The following PLXNC1 variants were observed in gnomAD, a reference collection of about 807,000 sequenced individuals.
The protein encoded by PLXNC1 is plexin C1.
In PLXNC1, 75 loss-of-function variants were observed where a neutral mutation model predicts 178.2. The ratio of observed to expected loss-of-function variants is 0.42; its 90% CI spans 0.35 to 0.51. PLXNC1 has a LOEUF of 0.51. PLXNC1 is among the 20% of genes least tolerant of loss of function. The pLI, the probability that PLXNC1 is intolerant of heterozygous loss-of-function variation, is 0.02. For missense variants in PLXNC1, 1,503 were observed against 1,984.4 expected (o/e 0.76, Z 4.61); for synonymous variants, 790 against 779.9 (o/e 1.01, Z -0.22).
intron 27 of PLXNC1, among the ~76,000 whole-genome samples, chr12:94,299,378 A>C (rs978416507): frequency 6.6e-6 from 1 of 152,324 alleles, no homozygotes; most frequent in African/African-American, 2.4e-5. Context: ...GGGCTGGATA[A>C]GACTCAGAGT....
chr12:94,295,036 T>C (rs971892585), intron 24 of PLXNC1, among the ~76,000 whole-genome samples: 3 of 152,182 alleles, frequency 2.0e-5, no homozygotes, highest in African/African-American at 7.2e-5. Context: ...GGAAAGTCAA[T>C]AGGCTGGTCT....
At chr12:94,290,359 T>C (rs1967182892) in intron 23 of PLXNC1, among the ~76,000 whole-genome samples, 1 of 152,054 alleles carries the variant, frequency 6.6e-6, no homozygotes, top group East Asian at 1.9e-4. Context: ...TGGAGGAGAA[T>C]TGAAAAATCA....
At chr12:94,216,920 T>A (rs1963661310) in intron 5 of PLXNC1, among the ~76,000 whole-genome samples, 1 of 152,172 alleles carries the variant, frequency 6.6e-6, no homozygotes, top group African/African-American at 2.4e-5. Flanking sequence ...ATCAGCCTGG[T>A]AAGGAGTCCT....
intron 24 of PLXNC1, among the ~76,000 whole-genome samples, chr12:94,296,132 T>C (rs909555637): frequency 3.3e-5 from 5 of 152,296 alleles, no homozygotes; most frequent in Admixed American, 1.3e-4. Context: ...CTACTCCCCA[T>C]TTTCCATTAG....
intron 12 of PLXNC1, 26 bp downstream of exon 12, chr12:94,244,051 A>AG: frequency 7.5e-7 from 1 of 1,341,248 alleles, no homozygotes; most frequent in Non-Finnish European, 1.1e-6. Context: ...CTTTGTAATA[A>AG]TAGTTGTTTT....
At chr12:94,163,084 G>A (rs936586966) in intron 1 of PLXNC1, among the ~76,000 whole-genome samples, 4 of 152,082 alleles carry the variant, frequency 2.6e-5, no homozygotes, top group African/African-American at 9.7e-5. Context: ...GAGAACCTAG[G>A]GCCAGGTGCG....
chr12:94,260,368 T>C lies in PLXNC1; in HGVS notation c.3252-274T>C, dbSNP rs536552845. On this transcript the variant is annotated intron_variant, in intron 19 of 30. Coordinates refer to ENST00000258526, the MANE Select transcript of PLXNC1 (RefSeq NM_005761.3). The surrounding 1 kb of genome is among the most constrained non-coding windows in gnomAD (Gnocchi z 4.4). The stretch of plus-strand genomic sequence containing the variant: ...CCACCATGCCCGGCCCATAAATTCT[T>C]AATAAAAAAAGCAGAAGTGTTAATT... Among the ~76,000 whole-genome samples the C allele has an allele frequency of 3.3e-5, 5 of 152,174 alleles. No homozygotes were observed. The highest frequency in any genetic ancestry group is 7.4e-5 in the Non-Finnish European group (5 of 67,988).
intron 15 of PLXNC1, chr12:94,254,539 G>A: frequency 3.1e-6 from 2 of 640,730 alleles, no homozygotes; most frequent in Non-Finnish European, 5.8e-6. Context: ...CTTGTAAAAT[G>A]AGTAAGGTTT....
chr12:94,245,294 C>G (rs1472196524), intron 12 of PLXNC1, among the ~76,000 whole-genome samples: 1 of 152,216 alleles, frequency 6.6e-6, no homozygotes, highest in African/African-American at 2.4e-5. Context: ...TGAGCACCTA[C>G]TGCAGGCAAA....
chr12:94,270,259 C>T lies in PLXNC1; in HGVS notation c.3597+5034C>T, dbSNP rs1357607101. 2.0e-5 allele frequency among the ~76,000 whole-genome samples: 3 copies of T among 152,214 alleles called. No individual in the cohort carries two copies. The East Asian group carries it at 5.8e-4, about 29-fold the overall frequency. Reference sequence around the variant, plus strand: ...ACAGCCTGTGGGCCAAATGTGGCCCCTCTGCCTATTTTTATAAAGTTCTAT... The same window carrying T: ...ACAGCCTGTGGGCCAAATGTGGCCCTTCTGCCTATTTTTATAAAGTTCTAT... On this transcript the variant is annotated intron_variant, in intron 21 of 30. Coordinates refer to ENST00000258526, the MANE Select transcript of PLXNC1 (RefSeq NM_005761.3).
At chr12:94,253,055 A>G (rs1206005152) in intron 15 of PLXNC1, among the ~76,000 whole-genome samples, 1 of 151,856 alleles carries the variant, frequency 6.6e-6, no homozygotes, top group Non-Finnish European at 1.5e-5. Context: ...TACTAAAAAT[A>G]CAAAAATTAG....
Position 94,280,321 on chromosome 12 carries a change from A to G in PLXNC1, c.3775+672A>G, listed in dbSNP as rs369811099. 67 of 157,890 alleles carry G rather than the reference A, an allele frequency of 4.2e-4. 3 individuals carry two copies. The South Asian group carries it at 0.012, about 29-fold the overall frequency. 9.8% of individuals were successfully genotyped at this position (157,890 alleles called of 1,614,324 possible). A position where few individuals can be genotyped will look rare whatever the true frequency, so the allele number is the denominator to read the frequency against. On this transcript the variant is annotated intron_variant, in intron 22 of 30. Transcript: ENST00000258526. ...TCCCAGGAGACTGTCGTGGGATTTT[A>G]TAGCAGATAATGGGACAGAAATGAA... is the stretch of plus-strand genomic sequence containing the variant.
intron 21 of PLXNC1, among the ~76,000 whole-genome samples, chr12:94,271,096 T>C (rs1186565473): frequency 6.6e-6 from 1 of 152,230 alleles, no homozygotes; most frequent in Non-Finnish European, 1.5e-5. Flanking sequence ...CTCTCTTTAA[T>C]TCAGGTTGGT....
At chr12:94,156,398 T>C (rs1961166235) in intron 1 of PLXNC1, among the ~76,000 whole-genome samples, 1 of 151,986 alleles carries the variant, frequency 6.6e-6, no homozygotes. Context: ...TCCTACCAAA[T>C]AACCTCCTCT....
At position 94,149,223 on chromosome 12, in the gene PLXNC1, G is replaced by A. The variant is rs1010141994; in HGVS notation, c.252G>A (p.Ala84=). 8.8e-6 allele frequency: 14 copies of A among 1,583,460 alleles called. No homozygotes were observed. Among genetic ancestry groups the A allele is most frequent in the East Asian group, 2.4e-5 (1 of 41,422 alleles). The part of the protein sequence containing the change: ...HSLSRLYRDQ[A]GNCTEPVSLA... ...TCTCGCGCCTGTACCGGGACCAAGCGGGCAACTGCACAGAGCCGGTCTCGC... is the reference window on the plus strand; with the variant it reads ...TCTCGCGCCTGTACCGGGACCAAGCAGGCAACTGCACAGAGCCGGTCTCGC... Residue 84 remains alanine, a synonymous_variant, in exon 1 of 31, where the codon GCG becomes GCA. Transcript: ENST00000258526.
chr12:94,201,057 G>A (rs1028681835), intron 4 of PLXNC1, among the ~76,000 whole-genome samples: 2 of 152,180 alleles, frequency 1.3e-5, no homozygotes, highest in African/African-American at 4.8e-5. Flanking sequence ...CATGGGCCAA[G>A]TCCTGTACTA....
Position 94,243,977 on chromosome 12 carries a change from T to A in PLXNC1, c.2340T>A (p.Asp780Glu). 1.9e-6 allele frequency: 3 copies of A among 1,600,816 alleles called. No homozygotes were observed. The highest frequency in any genetic ancestry group is 2.6e-6 in the Non-Finnish European group (3 of 1,169,202). The change falls in exon 12 of 31, where the codon GAT becomes GAA. Residue 780 changes from aspartate to glutamate, a missense_variant. Physicochemically the swap from Asp to Glu is conservative, Grantham distance 45. Transcript: ENST00000258526. ...TAACCATGATGGGCAGAAATTTTGA[T>A]GTAATTGACAACTTAATCATTTCAC... ...QNITMMGRNF[D>E]VIDNLIISHE...
Position 94,217,139 on chromosome 12 carries a change from T to C in PLXNC1, c.1555-2877T>C, listed in dbSNP as rs543775203. On this transcript the variant is annotated intron_variant, in intron 5 of 30. Transcript: ENST00000258526. ...GTTCTTGCTAAGGTCACTAGTGAAC[T>C]CCATGCAGCCATTCCAGCGGACACT... 7.9e-5 allele frequency among the ~76,000 whole-genome samples: 12 copies of C among 152,312 alleles called. No homozygotes were observed. In the South Asian group the frequency reaches 2.1e-3, roughly 26 times the overall value.
intron 24 of PLXNC1, among the ~76,000 whole-genome samples, chr12:94,296,193 C>T (rs192013341): frequency 2.0e-5 from 3 of 152,238 alleles, no homozygotes; most frequent in South Asian, 4.2e-4. Context: ...GACAGTGTCT[C>T]GCTGTCACCC....
Sources: allele counts gnomAD v4.1 joint callset (sites outside exome capture counted in the v4.1 genomes callset), GRCh38; gene constraint gnomAD v4.1.1; non-coding constraint Gnocchi (gnomAD v3.1); transcripts MANE v1.5; gene names NCBI Gene and HGNC (gene_info 2026-07-23, HGNC 2026-07-21).